The following DPYD variants were observed in gnomAD, a reference collection of about 807,000 sequenced individuals.
The protein encoded by DPYD is dihydropyrimidine dehydrogenase [NADP(+)].
DPYD carries 109 observed loss-of-function variants against 116.2 expected under a neutral mutation model. That is an observed-to-expected ratio of 0.94 (90% CI 0.80 to 1.10). The LOEUF (loss-of-function observed/expected upper bound fraction) is 1.10, where lower values mean the gene tolerates loss of function less well. Ranked by LOEUF, DPYD falls within the 50% of genes least tolerant of loss-of-function variation. The probability of loss-of-function intolerance (pLI) is 0.00; values close to 1 mark genes in which losing one functional copy is unlikely to be tolerated. For synonymous variants in DPYD, 440 were observed against 432.0 expected, an observed-to-expected ratio of 1.02 and a Z score of -0.23; for missense variants, 1,302 against 1,254.5, an observed-to-expected ratio of 1.04 and a Z score of -0.57.
chr1:97,696,484 T>C (rs1661314330), intron 6 of DPYD, among the ~76,000 whole-genome samples: 1 of 152,116 alleles, frequency 6.6e-6, no homozygotes, highest in Non-Finnish European at 1.5e-5. Context: ...GAAGACTGCA[T>C]GGTGAGAAAG....
At chr1:97,179,137 C>G (rs1255069194) in intron 20 of DPYD, among the ~76,000 whole-genome samples, 2 of 152,166 alleles carry the variant, frequency 1.3e-5, no homozygotes, top group African/African-American at 4.8e-5. Flanking sequence ...TTAGCGAGCA[C>G]TAGCAATATC....
intron 22 of DPYD, among the ~76,000 whole-genome samples, chr1:97,080,300 G>T (rs897739929): frequency 2.6e-4 from 40 of 151,912 alleles, no homozygotes; most frequent in Non-Finnish European, 1.3e-4. Flanking sequence ...CATTTTCAAG[G>T]AATTGCATTA....
intron 13 of DPYD, among the ~76,000 whole-genome samples, chr1:97,484,380 C>T (rs1423912830): frequency 6.6e-6 from 1 of 152,124 alleles, no homozygotes; most frequent in South Asian, 2.1e-4. Context: ...TCCAGTGTTG[C>T]TTTTTTGGGT....
intron 20 of DPYD, among the ~76,000 whole-genome samples, chr1:97,115,317 T>A (rs920893700): frequency 1.3e-5 from 2 of 152,232 alleles, no homozygotes; most frequent in African/African-American, 4.8e-5. Flanking sequence ...ACTACCAGCA[T>A]TGGCCCCCAT....
At chr1:97,369,723 C>T (rs1181472378) in intron 16 of DPYD, among the ~76,000 whole-genome samples, 1 of 152,174 alleles carries the variant, frequency 6.6e-6, no homozygotes, top group African/African-American at 2.4e-5. Context: ...TTTGCTTAAG[C>T]ATCAGGGTTA....
intron 4 of DPYD, among the ~76,000 whole-genome samples, chr1:97,735,794 C>A (rs1663910467): frequency 6.6e-6 from 1 of 151,214 alleles, no homozygotes; most frequent in Non-Finnish European, 1.5e-5. Flanking sequence ...ACAAAAAACT[C>A]TTAGAAATGA....
chr1:97,323,480 T>TAC (rs1168840139), intron 16 of DPYD, among the ~76,000 whole-genome samples: 2 of 125,802 alleles, frequency 1.6e-5, no homozygotes, highest in African/African-American at 5.4e-5. Flanking sequence ...TGTGTATATA[T>TAC]ACACGTATAT....
intron 20 of DPYD, among the ~76,000 whole-genome samples, chr1:97,140,348 C>A (rs78383675): frequency 0.013 from 1,928 of 152,090 alleles, 33 homozygotes; most frequent in African/African-American, 0.044. Flanking sequence ...GAAAGCCCTG[C>A]CAAGGAGAGG....
intron 4 of DPYD, among the ~76,000 whole-genome samples, chr1:97,735,300 T>C (rs1557919352): frequency 6.6e-6 from 1 of 152,196 alleles, no homozygotes; most frequent in East Asian, 1.9e-4. Context: ...AGGCAACAGA[T>C]AGCACAGACA....
intron 4 of DPYD, among the ~76,000 whole-genome samples, chr1:97,737,599 G>C (rs1221042130): frequency 6.6e-6 from 1 of 152,110 alleles, no homozygotes; most frequent in Non-Finnish European, 1.5e-5. Flanking sequence ...TGTTTGATAA[G>C]AGTATAAACC....
intron 16 of DPYD, among the ~76,000 whole-genome samples, chr1:97,357,274 T>C (rs1244836385): frequency 6.6e-6 from 1 of 152,200 alleles, no homozygotes; most frequent in Admixed American, 6.5e-5. Context: ...CTTTTTCATA[T>C]AGTTCATTGT....
intron 14 of DPYD, among the ~76,000 whole-genome samples, chr1:97,385,823 G>T (rs1266815002): frequency 6.6e-6 from 1 of 152,150 alleles, no homozygotes; most frequent in Non-Finnish European, 1.5e-5. Context: ...ATCCTCTCAA[G>T]TAGGGACTAA....
At chr1:97,561,999 C>G (rs1281470347) in intron 11 of DPYD, among the ~76,000 whole-genome samples, 2 of 152,192 alleles carry the variant, frequency 1.3e-5, no homozygotes, top group Non-Finnish European at 2.9e-5. Flanking sequence ...TTGCATGCAT[C>G]TTTCCTCCTT....
intron 15 of DPYD, among the ~76,000 whole-genome samples, chr1:97,375,352 G>A (rs1671552638): frequency 6.6e-6 from 1 of 151,978 alleles, no homozygotes; most frequent in Non-Finnish European, 1.5e-5. Context: ...TTTTAAGTAG[G>A]ACCTCAACAA....
chr1:97,806,990 A>G (rs1668107651), intron 3 of DPYD, among the ~76,000 whole-genome samples: 1 of 151,998 alleles, frequency 6.6e-6, no homozygotes. Flanking sequence ...CTGACCTGAT[A>G]GCTCATTTAT....
chr1:97,684,719 C>T (rs1466972363), intron 7 of DPYD, among the ~76,000 whole-genome samples: 1 of 152,066 alleles, frequency 6.6e-6, no homozygotes, highest in African/African-American at 2.4e-5. Context: ...ATAAACATTT[C>T]TATGCAAATA....
rs1408020394 is a variant in DPYD at position 97,764,538 on chromosome 1, TTTTAAC to T, written c.234-24065_234-24060del. On this transcript the variant is annotated intron_variant, in intron 3 of 22. Coordinates refer to ENST00000370192, the MANE Select transcript of DPYD (RefSeq NM_000110.4). Reference sequence around the variant, plus strand: ...TTCAGTTCTAAGCAAAAAAATAAACTTTTAACTTTATCACTTTACACAAAGTTAATT... The same window carrying T: ...TTCAGTTCTAAGCAAAAAAATAAACTTTTATCACTTTACACAAAGTTAATT... 1.2e-4 allele frequency among the ~76,000 whole-genome samples: 18 copies of T among 152,234 alleles called. 1 individual carries two copies. In the South Asian group the frequency reaches 3.5e-3, roughly 30 times the overall value.
chr1:97,472,745 T>C (rs1385241802), intron 13 of DPYD, among the ~76,000 whole-genome samples: 9 of 152,222 alleles, frequency 5.9e-5, no homozygotes, highest in Non-Finnish European at 1.3e-4. Context: ...TCTCAAATTA[T>C]ATTAACCTAA....
intron 14 of DPYD, among the ~76,000 whole-genome samples, chr1:97,425,073 G>T (rs57786078): frequency 1.3e-5 from 2 of 151,884 alleles, no homozygotes; most frequent in Non-Finnish European, 2.9e-5. Context: ...TTAGGGTATC[G>T]CATTATAAAA....
Sources: gnomAD v4.1 joint callset for allele counts (sites outside exome capture counted in the v4.1 genomes callset) on GRCh38, gnomAD v4.1.1 for gene constraint, MANE v1.5 for transcripts, NCBI Gene and HGNC (gene_info 2026-07-23, HGNC 2026-07-21) for gene names.